SRPK3: variants seen among roughly 807,000 people sequenced by gnomAD.
The protein encoded by SRPK3 is SFRS protein kinase 3.
SRPK3 carries 26 observed loss-of-function variants against 45.3 expected under a neutral mutation model. The observed-to-expected ratio is 0.57, with a 90% CI of 0.42 to 0.80. The LOEUF is 0.80. SRPK3 is among the 30% of genes least tolerant of loss of function. The pLI, the probability that SRPK3 is intolerant of heterozygous loss-of-function variation, is 0.00. For missense variants in SRPK3, 536 were observed against 514.5 expected, an observed-to-expected ratio of 1.04 and a Z score of -0.40; for synonymous variants, 254 against 226.6, an observed-to-expected ratio of 1.12 and a Z score of -1.09.
intron 11 of SRPK3, 81 bp downstream of exon 11, chrX:153,784,475 C>A (rs1008194515): frequency 7.5e-6 from 8 of 1,060,817 alleles, no homozygotes; most frequent in South Asian, 2.0e-5. Flanking sequence ...GGAGCCCTAC[C>A]CCAGTCTGCA....
rs2092051457 is a variant in SRPK3 at position 153,781,486 on chromosome X, C to T, written c.191-19C>T. 1.2e-5 allele frequency: 14 copies of T among 1,200,562 alleles called. No homozygotes were observed. Among genetic ancestry groups the T allele is most frequent in the Non-Finnish European group, 1.6e-5 (14 of 888,967 alleles). ...GAGTGAGAACCCCCTCCACCCCAAT[C>T]TACATCTCCCCTGGGCAGGCGGCTA... On this transcript the variant is annotated intron_variant, in intron 2 of 14. Transcript: ENST00000370101.
chrX:153,783,288 C>T, intron 8 of SRPK3, 37 bp downstream of exon 8: 1 of 1,094,106 alleles, frequency 9.1e-7, no homozygotes, highest in South Asian at 2.1e-5. Context: ...TGCCTCCTCT[C>T]CCATCTGAGC....
At chrX:153,782,288 T>C in intron 5 of SRPK3, 80 bp downstream of exon 5, 1 of 861,142 alleles carries the variant, frequency 1.2e-6, no homozygotes, top group Non-Finnish European at 1.7e-6. Flanking sequence ...AGAGCCTGTC[T>C]GCAGACCCGC....
Position 153,784,785 on chromosome X carries a change from G to A in SRPK3, c.1284G>A (p.Gln428=), listed in dbSNP as rs1396090492. 2 of 1,210,612 alleles carry A rather than the reference G, an allele frequency of 1.7e-6. No individual in the cohort carries two copies. Among genetic ancestry groups the A allele is most frequent in the Non-Finnish European group, 1.1e-6 (1 of 895,422 alleles). ...TCACGGAAGACATCCAGACTCGGCA[G>A]TACCGGGCCGTCGAGGTGCTGATCG... The part of the protein sequence containing the change: ...KHFTEDIQTR[Q]YRAVEVLIGA... The change falls in exon 12 of 15, where the codon CAG becomes CAA. Residue 428 remains glutamine (Q), a synonymous_variant. Coordinates refer to ENST00000370101, the MANE Select transcript of SRPK3 (RefSeq NM_014370.4).
chrX:153,783,552 G>A (rs1557067732), intron 8 of SRPK3, among the ~76,000 whole-genome samples, 200 bp from the exon 9 acceptor site: 3 of 112,938 alleles, frequency 2.7e-5, no homozygotes, highest in African/African-American at 9.7e-5. Flanking sequence ...TAATGGAGCT[G>A]TGGGGAGTGG....
rs377515626 is a variant in SRPK3 at position 153,785,222 on chromosome X, C to T, written c.1519+49C>T. 7.8e-5 allele frequency: 54 copies of T among 688,586 alleles called. No homozygotes were observed. In the East Asian group the frequency reaches 1.7e-3, roughly 22 times the overall value. 56.7% of individuals were successfully genotyped at this position (688,586 alleles called of 1,213,427 possible). The stretch of plus-strand genomic sequence containing the variant: ...CCATGTGGCTGCAGGGAGGGTGGGA[C>T]GGGGACCTTGGATTCTGCAACAGAG... On this transcript the variant is annotated intron_variant, in intron 14 of 14. Coordinates refer to ENST00000370101, the MANE Select transcript of SRPK3 (RefSeq NM_014370.4).
intron 11 of SRPK3, 75 bp downstream of exon 11, chrX:153,784,469 C>G (rs2092072891): frequency 9.3e-7 from 1 of 1,079,042 alleles, no homozygotes; most frequent in Non-Finnish European, 1.3e-6. Context: ...TCTTGGGGAG[C>G]CCTACCCCAG....
chrX:153,785,380 G>C lies in SRPK3; in HGVS notation c.1564G>C (p.Glu522Gln). The C allele has an allele frequency of 8.3e-7, 1 of 1,210,517 alleles. No individual in the cohort carries two copies. The highest frequency in any genetic ancestry group is 1.1e-6 in the Non-Finnish European group (1 of 894,816). Reference protein sequence around the residue: ...IHNLKHWGLYEVLMEKYEWPL... With the variant: ...IHNLKHWGLYQVLMEKYEWPL... The stretch of plus-strand genomic sequence containing the variant: ...CAATCTCAAGCACTGGGGCCTGTAC[G>C]AGGTACTCATGGAAAAGTACGAGTG... Residue 522 changes from glutamate to glutamine, a missense_variant, in exon 15 of 15, where the codon GAG becomes CAG. By Grantham distance (29) the Glu-to-Gln change is conservative. Coordinates refer to ENST00000370101, the MANE Select transcript of SRPK3 (RefSeq NM_014370.4).
At position 153,781,757 on chromosome X, in the gene SRPK3, TG is replaced by T; in HGVS notation, c.316del (p.Ala106ProfsTer5). The T allele has an allele frequency of 1.7e-6, 2 of 1,211,723 alleles. No individual in the cohort carries two copies. Among genetic ancestry groups the T allele is most frequent in the Non-Finnish European group, 2.2e-6 (2 of 895,527 alleles). ...LCWDIQRKRF[V>X]ALKVVKSAGH... ...CGGTATTGCAGGCGCAAGCGCTTTG[TG>T]GCCCTCAAAGTGGTGAAGAGTGCGG... is the stretch of plus-strand genomic sequence containing the variant. On this transcript the variant is annotated frameshift_variant, in exon 4 of 15. Transcript: ENST00000370101. LOFTEE classifies it high-confidence loss of function.
At chrX:153,784,724 G>A (rs374195029) in intron 11 of SRPK3, 26 bp from the exon 12 acceptor site, 11 of 1,206,884 alleles carry the variant, frequency 9.1e-6, no homozygotes, top group Middle Eastern at 2.3e-4. Flanking sequence ...GCCCCAGCCC[G>A]TCCCCAGGGC....
At chrX:153,784,266 T>G in intron 10 of SRPK3, 28 bp from the exon 11 acceptor site, 1 of 1,211,149 alleles carries the variant, frequency 8.3e-7, no homozygotes, top group East Asian at 3.0e-5. Flanking sequence ...GTCGGACCAC[T>G]TCAGTCTCCC....
rs367635076 is a variant in SRPK3, at chrX:153,781,549, T to A, written c.235T>A (p.Tyr79Asn). ...VKIGDVFNGR[Y>N]HVVRKLGWGH... ...GATCGGCGACGTGTTCAATGGGCGG[T>A]ACCACGTGGTGCGCAAACTGGGCTG... Residue 79 changes from tyrosine (Y) to asparagine (N), a missense_variant, in exon 3 of 15, where the codon TAC becomes AAC. Physicochemically the swap from Tyr to Asn is moderately radical, Grantham distance 143. Transcript: ENST00000370101. 1.7e-5 allele frequency: 20 copies of A among 1,209,512 alleles called. No individual in the cohort carries two copies. The African/African-American group carries it at 2.8e-4, about 17-fold the overall frequency.
chrX:153,782,158 C>A lies in SRPK3; in HGVS notation c.425C>A (p.Thr142Asn). Reference protein sequence around the residue: ...DSDPSDPKRETIVQLIDDFRI... With the variant: ...DSDPSDPKRENIVQLIDDFRI... ...GACCCCAGTGACCCCAAAAGAGAGACCATTGTCCAGCTCATTGATGACTTC... is the reference window on the plus strand; with the variant it reads ...GACCCCAGTGACCCCAAAAGAGAGAACATTGTCCAGCTCATTGATGACTTC... The change falls in exon 5 of 15, where the codon ACC becomes AAC. Residue 142 changes from threonine to asparagine, a missense_variant. Physicochemically the swap from Thr to Asn is moderately conservative, Grantham distance 65. Transcript: ENST00000370101. 8.3e-7 allele frequency: 1 copy of A among 1,211,390 alleles called. No individual in the cohort carries two copies. The highest frequency in any genetic ancestry group is 3.0e-5 in the East Asian group (1 of 33,849).
At position 153,781,104 on chromosome X, in the gene SRPK3, CGGT is replaced by C. The variant is rs1569542403; in HGVS notation, c.24_26del (p.Gly9del). The C allele has an allele frequency of 1.3e-5, 15 of 1,117,305 alleles. No homozygotes were observed. The South Asian group carries it at 3.3e-4, about 24-fold the overall frequency. The allele number at this position is 1,117,305 out of a possible 1,213,427, so 92.1% of individuals were successfully genotyped here. A position where few individuals can be genotyped will look rare whatever the true frequency, so the allele number is the denominator to read the frequency against. Reference sequence around the variant, plus strand: ...TGGCCGGGATGAGCGCCAGCACGGGCGGTGGTGGGGACAGCGGCGGCAGCGGCG... The same window carrying C: ...TGGCCGGGATGAGCGCCAGCACGGGCGGTGGGGACAGCGGCGGCAGCGGCG... On this transcript the variant is annotated inframe_deletion, in exon 1 of 15. Transcript: ENST00000370101.
At chrX:153,781,986 C>G (rs2092055066) in intron 4 of SRPK3, 135 bp from the exon 5 acceptor site, 1 of 869,886 alleles carries the variant, frequency 1.1e-6, no homozygotes, top group Non-Finnish European at 1.7e-6. Context: ...TCTGGAGGAA[C>G]AGGCGAGGGA....
chrX:153,781,700 G>A (rs2092052964), intron 3 of SRPK3, 43 bp from the exon 4 acceptor site: 2 of 1,205,111 alleles, frequency 1.7e-6, no homozygotes, highest in Admixed American at 2.2e-5. Context: ...CCCCGCCGTG[G>A]GTCCTGCCAG....
chrX:153,781,369 T>C lies in SRPK3; in HGVS notation c.190+23T>C, dbSNP rs2092050792. The C allele has an allele frequency of 2.5e-6, 3 of 1,178,687 alleles. No individual in the cohort carries two copies. In the South Asian group the frequency reaches 5.7e-5, roughly 23 times the overall value. ...AGGGTGAGACTTGGCCTTGGGGACA[T>C]GCGGCCTCACGGCCACTGCAGGGAC... On this transcript the variant is annotated intron_variant, in intron 2 of 14. Transcript: ENST00000370101.
Sources: gnomAD v4.1 joint callset for allele counts (sites outside exome capture counted in the v4.1 genomes callset) on GRCh38, gnomAD v4.1.1 for gene constraint, MANE v1.5 for transcripts, NCBI Gene and HGNC (gene_info 2026-07-23, HGNC 2026-07-21) for gene names.